The following MCU variants were observed in gnomAD, a reference collection of about 807,000 sequenced individuals.
The protein encoded by MCU is mitochondrial calcium uniporter.
MCU carries 12 observed loss-of-function variants against 45.2 expected under a neutral mutation model. That is an observed-to-expected ratio of 0.27 (90% CI 0.17 to 0.43). The LOEUF is 0.43. Among genes scored for constraint, MCU ranks in the 20% least tolerant of loss-of-function variants. The pLI is 1.00. For missense variants in MCU, 324 were observed against 436.7 expected (o/e 0.74, Z 2.30); for synonymous variants, 160 against 165.1 (o/e 0.97, Z 0.24).
intron 1 of MCU, chr10:72,692,824 C>T (rs1274107237): frequency 7.0e-7 from 1 of 1,423,152 alleles, no homozygotes; most frequent in Non-Finnish European, 9.1e-7. Flanking sequence ...CGTCCTCTCT[C>T]GTCCCCGAGG....
intron 1 of MCU, among the ~76,000 whole-genome samples, chr10:72,707,071 C>A (rs1340285391): frequency 6.6e-6 from 1 of 151,416 alleles, no homozygotes; most frequent in African/African-American, 2.4e-5. Context: ...CTTACATGAT[C>A]CATCTGCTTC....
rs1564580260 is a variant in MCU, at chr10:72,871,003, C to T, written c.658-374C>T. ...GCATCCTCCAGTTCCTGGGCTCAAG[C>T]GATTCACCCACCCCAGCCTCCCGAT... On this transcript the variant is annotated intron_variant, in intron 5 of 7. Coordinates refer to ENST00000373053, the MANE Select transcript of MCU (RefSeq NM_138357.3). Among the ~76,000 whole-genome samples, 5 of 152,260 alleles carry T rather than the reference C, an allele frequency of 3.3e-5. No individual in the cohort carries two copies. The South Asian group carries it at 1.0e-3, about 32-fold the overall frequency.
intron 1 of MCU, among the ~76,000 whole-genome samples, chr10:72,707,213 T>A (rs1393916607): frequency 6.6e-6 from 1 of 151,304 alleles, no homozygotes; most frequent in Non-Finnish European, 1.5e-5. Context: ...TTTTTTTTTT[T>A]TTTGAGAGAG....
intron 1 of MCU, among the ~76,000 whole-genome samples, chr10:72,820,196 T>C (rs1388160985): frequency 6.6e-6 from 1 of 152,190 alleles, no homozygotes; most frequent in Non-Finnish European, 1.5e-5. Context: ...GTTTTTGTCA[T>C]TATCGTTTGC....
intron 1 of MCU, among the ~76,000 whole-genome samples, chr10:72,759,316 A>G (rs533919529): frequency 6.6e-6 from 1 of 152,278 alleles, no homozygotes; most frequent in East Asian, 1.9e-4. Context: ...ACTGGTAATT[A>G]GATCGGAACA....
intron 1 of MCU, among the ~76,000 whole-genome samples, chr10:72,698,784 C>T (rs570438876): frequency 8.5e-5 from 13 of 152,128 alleles, no homozygotes; most frequent in South Asian, 2.1e-4. Flanking sequence ...GTATTACAGG[C>T]GTGAGCCACC....
In MCU at chr10:72,695,299, G is replaced by C. The variant is rs114074701; in HGVS notation, c.150+2998G>C. 3.2e-3 allele frequency among the ~76,000 whole-genome samples: 493 copies of C among 152,300 alleles called. 4 individuals are homozygous for C. The highest frequency in any genetic ancestry group is 0.011 in the African/African-American group (462 of 41,548). On this transcript the variant is annotated intron_variant, in intron 1 of 7. Coordinates refer to ENST00000373053, the MANE Select transcript of MCU (RefSeq NM_138357.3). Reference sequence around the variant, plus strand: ...GACTTGCTCTACTTTACACATCACAGTTCTTTTGGCAATGACATTGTTTCA... The same window carrying C: ...GACTTGCTCTACTTTACACATCACACTTCTTTTGGCAATGACATTGTTTCA...
At chr10:72,877,062 T>C (rs1459471009) in intron 6 of MCU, among the ~76,000 whole-genome samples, 3 of 151,744 alleles carry the variant, frequency 2.0e-5, no homozygotes, top group Non-Finnish European at 2.9e-5. Flanking sequence ...CCTGAGACCA[T>C]AGGCATGTGC....
At chr10:72,718,773 A>G (rs1475583982) in intron 1 of MCU, among the ~76,000 whole-genome samples, 2 of 152,362 alleles carry the variant, frequency 1.3e-5, no homozygotes, top group African/African-American at 4.8e-5. Context: ...AATTTGTGAC[A>G]TAACCACATA....
chr10:72,705,701 C>A (rs895129828), intron 1 of MCU, among the ~76,000 whole-genome samples: 1 of 152,086 alleles, frequency 6.6e-6, no homozygotes, highest in African/African-American at 2.4e-5. Flanking sequence ...GCCTGTAATC[C>A]CAGCTACTTG....
chr10:72,693,795 TA>T (rs561090251), intron 1 of MCU, among the ~76,000 whole-genome samples: 41 of 152,350 alleles, frequency 2.7e-4, no homozygotes, highest in African/African-American at 9.4e-4. Flanking sequence ...TTTGTTCTCT[TA>T]AAAACATAAG....
At chr10:72,718,653 T>G (rs928563229) in intron 1 of MCU, among the ~76,000 whole-genome samples, 2 of 152,202 alleles carry the variant, frequency 1.3e-5, no homozygotes, top group Non-Finnish European at 2.9e-5. Flanking sequence ...CAAAACAGAA[T>G]TATGTGTCTA....
At chr10:72,706,232 T>A (rs973628706) in intron 1 of MCU, among the ~76,000 whole-genome samples, 1 of 152,030 alleles carries the variant, frequency 6.6e-6, no homozygotes, top group Non-Finnish European at 1.5e-5. Context: ...TTTTTTTTTT[T>A]TTTAAGTAGC....
rs1376105182 is a variant in MCU at position 72,718,838 on chromosome 10, A to G, written c.150+26537A>G. On this transcript the variant is annotated intron_variant, in intron 1 of 7. Transcript: ENST00000373053. ...AGGTTACAACTACATATAAAAATGC[A>G]TGGTTCTCACAAATAATATGATGAA... Among the ~76,000 whole-genome samples the G allele has an allele frequency of 4.6e-5, 7 of 152,242 alleles. 1 individual carries two copies. The highest frequency in any genetic ancestry group is 4.4e-5 in the Non-Finnish European group (3 of 68,034).
chr10:72,848,732 G>GTA lies in MCU; in HGVS notation c.221-10444_221-10443insAT, dbSNP rs757175320. ...TGTATTGAGATATATGTTTGTGTATGTGTGTGTGTGTGTCTGCCTGTGCGT... is the reference window on the plus strand; with the variant it reads ...TGTATTGAGATATATGTTTGTGTATGTATGTGTGTGTGTGTCTGCCTGTGCGT... On this transcript the variant is annotated intron_variant, in intron 2 of 7. Transcript: ENST00000373053. Among the ~76,000 whole-genome samples, 7 of 151,596 alleles carry GTA rather than the reference G, an allele frequency of 4.6e-5. No individual in the cohort carries two copies. The East Asian group carries it at 1.4e-3, about 29-fold the overall frequency.
At chr10:72,834,293 T>C (rs1450212563) in intron 1 of MCU, 66 bp from the exon 2 acceptor site, 12 of 1,160,768 alleles carry the variant, frequency 1.0e-5, no homozygotes, top group Middle Eastern at 2.0e-4. Flanking sequence ...ATTTATTATA[T>C]ACACACACAT....
intron 1 of MCU, among the ~76,000 whole-genome samples, chr10:72,805,165 C>CTTTCTG (rs1468524303): frequency 1.8e-4 from 10 of 55,168 alleles, no homozygotes; most frequent in Non-Finnish European, 3.7e-4. Context: ...CTTTCTGTCT[C>CTTTCTG]TCTCTCTCTC....
At chr10:72,823,734 G>T (rs1286829714) in intron 1 of MCU, among the ~76,000 whole-genome samples, 1 of 152,062 alleles carries the variant, frequency 6.6e-6, no homozygotes, top group Non-Finnish European at 1.5e-5. Context: ...ATCAAAATTG[G>T]TGCATTTGTA....
intron 2 of MCU, among the ~76,000 whole-genome samples, chr10:72,845,099 T>C (rs751087292): frequency 2.6e-5 from 4 of 152,146 alleles, no homozygotes; most frequent in Non-Finnish European, 5.9e-5. Context: ...AGTATTAGTA[T>C]AGGAAAGATT....
Sources: gnomAD v4.1 joint callset for allele counts (sites outside exome capture counted in the v4.1 genomes callset) on GRCh38, gnomAD v4.1.1 for gene constraint, MANE v1.5 for transcripts, NCBI Gene and HGNC (gene_info 2026-07-23, HGNC 2026-07-21) for gene names.